GALNT7: variants seen among roughly 807,000 people sequenced by gnomAD.
GALNT7 encodes the protein polypeptide N-acetylgalactosaminyltransferase 7, also known as N-acetylgalactosaminyltransferase 7.
Under a neutral mutation model 82.1 loss-of-function variants are expected in GALNT7, and 60 were observed. That is an observed-to-expected ratio of 0.73 (90% CI 0.59 to 0.91). The LOEUF is 0.91. Among genes scored for constraint, GALNT7 ranks in the 40% least tolerant of loss-of-function variants. The probability of loss-of-function intolerance (pLI) is 0.00; values close to 1 mark genes in which losing one functional copy is unlikely to be tolerated. For missense variants in GALNT7, 660 were observed against 804.2 expected, an observed-to-expected ratio of 0.82 and a Z score of 2.17; for synonymous variants, 243 against 275.1, an observed-to-expected ratio of 0.88 and a Z score of 1.15.
chr4:173,250,534 C>G (rs1412339026), intron 2 of GALNT7, among the ~76,000 whole-genome samples: 1 of 152,086 alleles, frequency 6.6e-6, no homozygotes, highest in African/African-American at 2.4e-5. Flanking sequence ...CGCTTCTTTC[C>G]TCTCCTCTAC....
Position 173,268,441 on chromosome 4 carries a change from T to G in GALNT7, c.587+20001T>G, listed in dbSNP as rs117583747. ...TGACATTATTCTCGGGAGGCTGTTT[T>G]AAACAGCAAAATTACCAACTAAAAG... is the stretch of plus-strand genomic sequence containing the variant. On this transcript the variant is annotated intron_variant, in intron 2 of 11. Coordinates refer to ENST00000265000, the MANE Select transcript of GALNT7 (RefSeq NM_017423.3). 1.7e-3 allele frequency among the ~76,000 whole-genome samples: 256 copies of G among 148,924 alleles called. 5 individuals are homozygous for G. The East Asian group carries it at 0.044, about 26-fold the overall frequency.
At chr4:173,174,761 C>T (rs13123359) in intron 1 of GALNT7, among the ~76,000 whole-genome samples, 26,311 of 152,192 alleles carry the variant, frequency 0.17, 2,317 homozygotes, top group Admixed American at 0.21. Context: ...CAAGAACTGT[C>T]ACAAGGATAT....
chr4:173,311,795 A>G (rs892749267), intron 8 of GALNT7, among the ~76,000 whole-genome samples: 1 of 152,160 alleles, frequency 6.6e-6, no homozygotes, highest in African/African-American at 2.4e-5. Context: ...AAGTGGTAAT[A>G]TCGTATGTTC....
chr4:173,175,892 G>T (rs1732023819), intron 1 of GALNT7, among the ~76,000 whole-genome samples: 1 of 152,116 alleles, frequency 6.6e-6, no homozygotes, highest in African/African-American at 2.4e-5. Flanking sequence ...GGCCAACATG[G>T]TGAAACCCTG....
chr4:173,242,305 G>C (rs2126728457), intron 1 of GALNT7, among the ~76,000 whole-genome samples: 1 of 152,294 alleles, frequency 6.6e-6, no homozygotes, highest in South Asian at 2.1e-4. Context: ...GCCACACCTA[G>C]AGCTTATATA....
At chr4:173,230,510 G>A (rs1733994137) in intron 1 of GALNT7, among the ~76,000 whole-genome samples, 1 of 152,164 alleles carries the variant, frequency 6.6e-6, no homozygotes, top group Non-Finnish European at 1.5e-5. Flanking sequence ...GTAAGGGAAA[G>A]TTAAAGTTAA....
chr4:173,177,489 T>C (rs1022381643), intron 1 of GALNT7, among the ~76,000 whole-genome samples: 5 of 152,038 alleles, frequency 3.3e-5, no homozygotes, highest in Middle Eastern at 3.2e-3. Context: ...GGAGCCTGTG[T>C]GGATGGAGGA....
chr4:173,183,215 TA>T (rs923217592), intron 1 of GALNT7, among the ~76,000 whole-genome samples: 1 of 150,832 alleles, frequency 6.6e-6, no homozygotes, highest in Admixed American at 6.6e-5. Context: ...TAATGGAACT[TA>T]AAAAAAATGT....
chr4:173,228,011 A>T (rs2126702988), intron 1 of GALNT7, among the ~76,000 whole-genome samples: 1 of 152,114 alleles, frequency 6.6e-6, no homozygotes, highest in East Asian at 1.9e-4. Context: ...TGTTCCTTAA[A>T]TTATGTAAAA....
intron 1 of GALNT7, among the ~76,000 whole-genome samples, chr4:173,172,710 A>T (rs1731916223): frequency 6.6e-6 from 1 of 152,210 alleles, no homozygotes; most frequent in Non-Finnish European, 1.5e-5. Context: ...GGGTGGCAGC[A>T]TTCTTGAGAA....
chr4:173,190,814 C>CT (rs1212624550), intron 1 of GALNT7, among the ~76,000 whole-genome samples: 1 of 151,982 alleles, frequency 6.6e-6, no homozygotes, highest in African/African-American at 2.4e-5. Context: ...TGTCTCTTGT[C>CT]TTTTTTCTGC....
intron 2 of GALNT7, among the ~76,000 whole-genome samples, chr4:173,288,227 G>T (rs1252208264): frequency 7.1e-6 from 1 of 140,324 alleles, no homozygotes; most frequent in African/African-American, 2.8e-5. Flanking sequence ...AGCTTGCAGT[G>T]AGCCGAGATC....
At chr4:173,193,319 C>T (rs942408897) in intron 1 of GALNT7, among the ~76,000 whole-genome samples, 2 of 152,124 alleles carry the variant, frequency 1.3e-5, no homozygotes, top group Non-Finnish European at 2.9e-5. Flanking sequence ...GTAACATACA[C>T]TCCTTACAGA....
At chr4:173,191,346 T>G (rs185945040) in intron 1 of GALNT7, among the ~76,000 whole-genome samples, 1 of 152,272 alleles carries the variant, frequency 6.6e-6, no homozygotes, top group East Asian at 1.9e-4. Context: ...TATGGTGAGT[T>G]GCCTTTAAGC....
At chr4:173,224,647 G>T (rs1042078823) in intron 1 of GALNT7, among the ~76,000 whole-genome samples, 1 of 151,922 alleles carries the variant, frequency 6.6e-6, no homozygotes, top group African/African-American at 2.4e-5. Context: ...ATATAGTTTT[G>T]AATTACAATA....
At chr4:173,317,498 T>G (rs1377475066) in intron 9 of GALNT7, 136 bp from the exon 10 acceptor site, 2 of 620,108 alleles carry the variant, frequency 3.2e-6, no homozygotes, top group Middle Eastern at 2.7e-4. Context: ...GACAATCCAG[T>G]AATAACCTGT....
At chr4:173,272,276 A>G (rs1392171325) in intron 2 of GALNT7, among the ~76,000 whole-genome samples, 3 of 152,160 alleles carry the variant, frequency 2.0e-5, no homozygotes, top group Non-Finnish European at 4.4e-5. Flanking sequence ...GTAGACCATT[A>G]GAAATTGAGG....
chr4:173,234,534 A>G (rs1268608709), intron 1 of GALNT7, among the ~76,000 whole-genome samples: 1 of 152,012 alleles, frequency 6.6e-6, no homozygotes, highest in Non-Finnish European at 1.5e-5. Context: ...GTCATTCTTC[A>G]TACCTCCCTC....
At chr4:173,235,557 T>TTTTC (rs1339361286) in intron 1 of GALNT7, among the ~76,000 whole-genome samples, 720 of 5,776 alleles carry the variant, frequency 0.12, 8 homozygotes, top group African/African-American at 0.13. Flanking sequence ...TTTTCTTTTC[T>TTTTC]TTTTTTTTTT....
Sources: gnomAD v4.1 joint callset for allele counts (sites outside exome capture counted in the v4.1 genomes callset) on GRCh38, gnomAD v4.1.1 for gene constraint, MANE v1.5 for transcripts, NCBI Gene and HGNC (gene_info 2026-07-23, HGNC 2026-07-21) for gene names.